SMARCC1: variants seen among roughly 807,000 people sequenced by gnomAD.
SMARCC1 encodes the protein SWI/SNF related BAF chromatin remodeling complex subunit C1, also known as SWI/SNF complex subunit SMARCC1.
A neutral mutation model predicts 147.4 loss-of-function variants in SMARCC1; 43 were observed. The observed-to-expected ratio is 0.29, with a 90% CI of 0.23 to 0.38. SMARCC1 has a LOEUF of 0.38. SMARCC1 is among the 10% of genes least tolerant of loss of function. SMARCC1 has a pLI of 1.00. For synonymous variants in SMARCC1, 495 were observed against 484.4 expected, an observed-to-expected ratio of 1.02 and a Z score of -0.29; for missense variants, 1,119 against 1,381.1, an observed-to-expected ratio of 0.81 and a Z score of 3.01.
At chr3:47,746,137 G>GA in intron 2 of SMARCC1, 144 bp from the exon 3 acceptor site, 1 of 543,942 alleles carries the variant, frequency 1.8e-6, no homozygotes, top group South Asian at 2.9e-5. Context: ...ATAAACTGAG[G>GA]AATCAATACA....
chr3:47,749,996 A>C (rs2034611506), intron 2 of SMARCC1, among the ~76,000 whole-genome samples: 1 of 151,400 alleles, frequency 6.6e-6, no homozygotes, highest in South Asian at 2.1e-4. Flanking sequence ...GCAGAAGAAT[A>C]GCATGAACCC....
At chr3:47,719,146 C>G (rs908587912) in intron 7 of SMARCC1, among the ~76,000 whole-genome samples, 8 of 151,830 alleles carry the variant, frequency 5.3e-5, no homozygotes, top group Non-Finnish European at 4.4e-5. Context: ...AGTCTCCTGA[C>G]CTCGTGATCC....
intron 26 of SMARCC1, chr3:47,604,296 T>C (rs1329034984): frequency 2.2e-6 from 1 of 456,618 alleles, no homozygotes; most frequent in Non-Finnish European, 4.4e-6. Context: ...AATTAACCAC[T>C]TGGTAATAAA....
At chr3:47,609,928 G>T in intron 26 of SMARCC1, 138 bp downstream of exon 26, 3 of 895,370 alleles carry the variant, frequency 3.4e-6, no homozygotes, top group Non-Finnish European at 5.1e-6. Context: ...AATCTCACAT[G>T]CCTACAATTT....
In SMARCC1 at chr3:47,585,766, G is replaced by A. The variant is rs961680586; in HGVS notation, c.*2443C>T. 1 of 152,204 alleles carries A rather than the reference G, an allele frequency of 6.6e-6. No homozygotes were observed. Among genetic ancestry groups the A allele is most frequent in the Admixed American group, 6.5e-5 (1 of 15,286 alleles). The allele number at this position is 152,204 out of a possible 1,614,324, so 9.4% of individuals were successfully genotyped here. On this transcript the variant is annotated 3_prime_UTR_variant, in exon 28 of 28. Transcript: ENST00000254480. ...TTACACATCATGAAGGTGGGCAGTC[G>A]GGAAGGAAGCCCGAGTCACAGAATT...
At chr3:47,722,401 G>C (rs748585851) in intron 6 of SMARCC1, among the ~76,000 whole-genome samples, 1 of 148,846 alleles carries the variant, frequency 6.7e-6, no homozygotes, top group Non-Finnish European at 1.5e-5. Flanking sequence ...GGGTTCAAGT[G>C]ATTTTCCTGC....
intron 9 of SMARCC1, 79 bp downstream of exon 9, chr3:47,710,601 TGAC>T: frequency 1.4e-6 from 2 of 1,448,120 alleles, no homozygotes; most frequent in Non-Finnish European, 1.9e-6. Context: ...GGTTTGTATA[TGAC>T]AGCTTACTGA....
intron 26 of SMARCC1, among the ~76,000 whole-genome samples, chr3:47,595,688 T>C (rs1293373298): frequency 6.6e-6 from 1 of 152,062 alleles, no homozygotes; most frequent in Admixed American, 6.6e-5. Context: ...TGTGGTACCT[T>C]ACTATCTTTC....
At chr3:47,627,733 G>GT (rs1347149964) in intron 24 of SMARCC1, among the ~76,000 whole-genome samples, 9 of 152,156 alleles carry the variant, frequency 5.9e-5, no homozygotes, top group Non-Finnish European at 8.8e-5. Context: ...TCTTTTAGAT[G>GT]TTTTTTTGAG....
chr3:47,752,086 A>AAAC (rs889493269), intron 2 of SMARCC1, among the ~76,000 whole-genome samples: 6 of 152,122 alleles, frequency 3.9e-5, no homozygotes, highest in African/African-American at 7.2e-5. Flanking sequence ...TTCATCTCAA[A>AAAC]AACAACAACA....
At chr3:47,745,025 T>G (rs1055315168) in intron 3 of SMARCC1, among the ~76,000 whole-genome samples, 37 of 152,240 alleles carry the variant, frequency 2.4e-4, no homozygotes, top group South Asian at 1.0e-3. Flanking sequence ...CCTAGCACCT[T>G]GGAAGGTCAA....
chr3:47,682,625 C>T (rs575585189), intron 14 of SMARCC1, among the ~76,000 whole-genome samples: 40 of 152,126 alleles, frequency 2.6e-4, no homozygotes, highest in African/African-American at 9.4e-4. Flanking sequence ...ATTGTACTAA[C>T]GAGTTTTAAA....
intron 19 of SMARCC1, chr3:47,663,856 C>G: frequency 6.5e-7 from 1 of 1,549,630 alleles, no homozygotes; most frequent in Non-Finnish European, 8.9e-7. Flanking sequence ...TGATGTGCAC[C>G]TGGATCGCCG....
intron 26 of SMARCC1, among the ~76,000 whole-genome samples, chr3:47,594,817 C>T (rs1422440023): frequency 6.6e-6 from 1 of 152,110 alleles, no homozygotes; most frequent in Non-Finnish European, 1.5e-5. Flanking sequence ...GCTTGTAGAT[C>T]CACAAACCAG....
intron 26 of SMARCC1, among the ~76,000 whole-genome samples, chr3:47,600,428 C>G (rs538459222): frequency 6.6e-6 from 1 of 152,100 alleles, no homozygotes; most frequent in Non-Finnish European, 1.5e-5. Flanking sequence ...AAGGGTTGAC[C>G]GTGCCAGGTG....
intron 1 of SMARCC1, among the ~76,000 whole-genome samples, chr3:47,774,215 A>G (rs2034947906): frequency 6.7e-6 from 1 of 149,222 alleles, no homozygotes; most frequent in African/African-American, 2.5e-5. Flanking sequence ...TACTTACAGC[A>G]TATAAAAAGG....
intron 18 of SMARCC1, among the ~76,000 whole-genome samples, chr3:47,672,495 C>T (rs367584651): frequency 3.0e-4 from 45 of 152,148 alleles, no homozygotes; most frequent in African/African-American, 9.9e-4. Flanking sequence ...TGTGAGCCAC[C>T]GCGTCCAGCC....
intron 22 of SMARCC1, among the ~76,000 whole-genome samples, chr3:47,638,016 C>T (rs1426420801): frequency 1.3e-5 from 2 of 152,182 alleles, no homozygotes; most frequent in Non-Finnish European, 2.9e-5. Context: ...TAGGAAATCA[C>T]TTACTATTCT....
At chr3:47,592,530 C>T (rs984676096) in intron 26 of SMARCC1, among the ~76,000 whole-genome samples, 2 of 152,216 alleles carry the variant, frequency 1.3e-5, no homozygotes, top group Non-Finnish European at 2.9e-5. Context: ...AGGCTGTAGG[C>T]GATCCCTGCT....
Sources: gnomAD v4.1 joint callset for allele counts (sites outside exome capture counted in the v4.1 genomes callset) on GRCh38, gnomAD v4.1.1 for gene constraint, MANE v1.5 for transcripts, NCBI Gene and HGNC (gene_info 2026-07-23, HGNC 2026-07-21) for gene names.